The following PTPRD variants were observed in gnomAD, a reference collection of about 807,000 sequenced individuals.
The protein encoded by PTPRD is receptor-type tyrosine-protein phosphatase delta.
Under a neutral mutation model 214.5 loss-of-function variants are expected in PTPRD, and 34 were observed. The observed-to-expected ratio is 0.16, with a 90% confidence interval of 0.12 to 0.21. The LOEUF (loss-of-function observed/expected upper bound fraction) is 0.21. PTPRD is among the 10% of genes least tolerant of loss of function. The pLI is 1.00. For missense variants in PTPRD, 2,545 were observed against 2,398.7 expected (o/e 1.06, Z -1.27); for synonymous variants, 1,128 against 845.7 (o/e 1.33, Z -5.79).
chr9:8,467,896 T>C (rs1472756384), intron 31 of PTPRD, among the ~76,000 whole-genome samples: 1 of 151,912 alleles, frequency 6.6e-6, no homozygotes, highest in Non-Finnish European at 1.5e-5. Context: ...AGAAGGAAAA[T>C]GCACTGCAGA....
At chr9:10,608,932 A>G (rs963872042) in intron 2 of PTPRD, among the ~76,000 whole-genome samples, 1 of 152,144 alleles carries the variant, frequency 6.6e-6, no homozygotes, top group African/African-American at 2.4e-5. Context: ...AAAATAAAAC[A>G]GTGAACCGAC....
chr9:10,371,085 T>G (rs1255517109), intron 2 of PTPRD, among the ~76,000 whole-genome samples: 1 of 152,034 alleles, frequency 6.6e-6, no homozygotes, highest in Non-Finnish European at 1.5e-5. Context: ...TGCTTCTCAG[T>G]GATCATATTT....
intron 11 of PTPRD, among the ~76,000 whole-genome samples, chr9:8,903,341 T>A (rs2154253435): frequency 1.3e-5 from 2 of 152,256 alleles, no homozygotes; most frequent in East Asian, 3.9e-4. Context: ...CTCAGGAACA[T>A]ATTCAAAGAA....
chr9:8,848,479 G>T (rs1452623418), intron 11 of PTPRD, among the ~76,000 whole-genome samples: 1 of 148,248 alleles, frequency 6.7e-6, no homozygotes, highest in Non-Finnish European at 1.5e-5. Flanking sequence ...GAGACCACAA[G>T]TGCACACCAC....
At chr9:9,299,106 T>A (rs72696894) in intron 9 of PTPRD, among the ~76,000 whole-genome samples, 1 of 151,888 alleles carries the variant, frequency 6.6e-6, no homozygotes, top group Non-Finnish European at 1.5e-5. Flanking sequence ...TAAGAAAAAC[T>A]AATTGTGTCT....
intron 8 of PTPRD, among the ~76,000 whole-genome samples, chr9:9,504,769 AAACCTATTAAAACTAAT>A (rs1228020683): frequency 6.6e-6 from 1 of 151,718 alleles, no homozygotes; most frequent in African/African-American, 2.4e-5. Flanking sequence ...GGTGTAACAA[AAACCTATTAAAACTAAT>A]AAATGATTTC....
At chr9:10,450,129 G>T (rs1033784484) in intron 2 of PTPRD, among the ~76,000 whole-genome samples, 1 of 151,690 alleles carries the variant, frequency 6.6e-6, no homozygotes, top group African/African-American at 2.4e-5. Flanking sequence ...CCTCTGCCTA[G>T]GAAAACCAGA....
chr9:8,940,178 C>T (rs918371073), intron 11 of PTPRD, among the ~76,000 whole-genome samples: 5 of 151,170 alleles, frequency 3.3e-5, no homozygotes, highest in African/African-American at 9.7e-5. Flanking sequence ...AGTCTTCAGG[C>T]TACATGGTTC....
At chr9:8,701,480 A>C (rs968966419) in intron 12 of PTPRD, 1 of 152,148 alleles carries the variant, frequency 6.6e-6, no homozygotes, top group African/African-American at 2.4e-5. Context: ...ACCAAAAAAA[A>C]ATAAAATTAG....
intron 4 of PTPRD, among the ~76,000 whole-genome samples, chr9:10,013,687 G>A (rs10809009): frequency 0.43 from 64,541 of 151,674 alleles, 16,208 homozygotes; most frequent in Middle Eastern, 0.6. Context: ...ACTTCACTGA[G>A]TTTTTAATAA....
intron 9 of PTPRD, among the ~76,000 whole-genome samples, chr9:9,364,961 A>G (rs10114536): frequency 0.014 from 2,117 of 151,480 alleles, 51 homozygotes; most frequent in African/African-American, 0.048. Flanking sequence ...GGATAAGGTT[A>G]AGTTCTAGGT....
At chr9:9,570,852 T>C (rs2086160708) in intron 8 of PTPRD, among the ~76,000 whole-genome samples, 1 of 151,580 alleles carries the variant, frequency 6.6e-6, no homozygotes. Context: ...AATATCCAAG[T>C]ATATGGATTA....
At chr9:9,223,112 A>T (rs1267800698) in intron 9 of PTPRD, among the ~76,000 whole-genome samples, 2 of 152,012 alleles carry the variant, frequency 1.3e-5, no homozygotes, top group Non-Finnish European at 2.9e-5. Context: ...GTGATAAAGC[A>T]CTAATACAGT....
intron 5 of PTPRD, among the ~76,000 whole-genome samples, chr9:9,831,985 C>T (rs2055016895): frequency 6.6e-6 from 1 of 151,866 alleles, no homozygotes; most frequent in Non-Finnish European, 1.5e-5. Context: ...CTGGGTATGC[C>T]ATAGAATAAG....
intron 2 of PTPRD, among the ~76,000 whole-genome samples, chr9:10,434,070 G>A (rs1166428028): frequency 6.6e-6 from 1 of 151,862 alleles, no homozygotes; most frequent in Non-Finnish European, 1.5e-5. Flanking sequence ...TCATCATAGA[G>A]AAGAGACATC....
intron 8 of PTPRD, among the ~76,000 whole-genome samples, chr9:9,431,738 T>G (rs1468460474): frequency 1.3e-5 from 2 of 151,064 alleles, no homozygotes; most frequent in Middle Eastern, 3.4e-3. Flanking sequence ...AAAGGATGAG[T>G]TCATGTCCTT....
chr9:9,821,953 T>C (rs12343664), intron 5 of PTPRD, among the ~76,000 whole-genome samples: 24,418 of 149,060 alleles, frequency 0.16, 2,098 homozygotes, highest in Non-Finnish European at 0.19. Context: ...TTTATATATA[T>C]TAAATTTTGT....
At chr9:10,133,706 G>T (rs1208799575) in intron 3 of PTPRD, among the ~76,000 whole-genome samples, 1 of 152,072 alleles carries the variant, frequency 6.6e-6, no homozygotes, top group Non-Finnish European at 1.5e-5. Flanking sequence ...TAGTAACAAA[G>T]TTAATTAGTA....
At chr9:10,184,743 G>C (rs527329404) in intron 3 of PTPRD, among the ~76,000 whole-genome samples, 29 of 152,282 alleles carry the variant, frequency 1.9e-4, no homozygotes, top group African/African-American at 6.7e-4. Flanking sequence ...TGTGGGGGCA[G>C]AATAAGCAAT....
Sources: gnomAD v4.1 joint callset for allele counts (sites outside exome capture counted in the v4.1 genomes callset) on GRCh38, gnomAD v4.1.1 for gene constraint, MANE v1.5 for transcripts, NCBI Gene and HGNC (gene_info 2026-07-23, HGNC 2026-07-21) for gene names.